The following PTN variants were observed in gnomAD, a reference collection of about 807,000 sequenced individuals.
PTN encodes pleiotrophin, also known as heparin affin regulatory protein.
Under a neutral mutation model 24.1 loss-of-function variants are expected in PTN, and 18 were observed. The ratio of observed to expected loss-of-function variants is 0.75; its 90% CI spans 0.52 to 1.11. The LOEUF is 1.11. Among genes scored for constraint, PTN ranks in the 50% least tolerant of loss-of-function variants. The probability of loss-of-function intolerance (pLI) is 0.00; values close to 1 mark genes in which losing one functional copy is unlikely to be tolerated. For synonymous variants in PTN, 78 were observed against 68.6 expected, an observed-to-expected ratio of 1.14 and a Z score of -0.67; for missense variants, 163 against 198.8, an observed-to-expected ratio of 0.82 and a Z score of 1.08.
At position 137,254,907 on chromosome 7, in the gene PTN, T is replaced by G; in HGVS notation, c.67A>C (p.Ile23Leu). 1.3e-6 allele frequency: 2 copies of G among 1,585,574 alleles called. No homozygotes were observed. Among genetic ancestry groups the G allele is most frequent in the Non-Finnish European group, 1.7e-6 (2 of 1,158,738 alleles). ...FAAAFLAFIF[I>L]LAAVDTAEAG... is the part of the protein sequence containing the mutation. Reference sequence around the variant, plus strand: ...TCAGCAGTATCCACAGCTGCCAGTATGAAAATGAATGCCAAGAAGGCAGCT... The same window carrying G: ...TCAGCAGTATCCACAGCTGCCAGTAGGAAAATGAATGCCAAGAAGGCAGCT... The change falls in exon 2 of 5, where the codon ATA becomes CTA. Residue 23 changes from isoleucine (I) to leucine (L), a missense_variant. Coordinates refer to ENST00000348225, the MANE Select transcript of PTN (RefSeq NM_002825.7).
intron 1 of PTN, among the ~76,000 whole-genome samples, chr7:137,290,853 A>C (rs999393841): frequency 2.0e-5 from 3 of 152,210 alleles, no homozygotes; most frequent in Admixed American, 2.0e-4. Context: ...CAATTAAAAA[A>C]AAATAAAAAC....
intron 1 of PTN, among the ~76,000 whole-genome samples, chr7:137,265,728 G>T (rs1809131646): frequency 6.6e-6 from 1 of 152,200 alleles, no homozygotes. Context: ...CAGGGCCTCT[G>T]GCCTGCCATG....
At chr7:137,248,511 T>C (rs553935933) in intron 4 of PTN, among the ~76,000 whole-genome samples, 4 of 152,166 alleles carry the variant, frequency 2.6e-5, no homozygotes, top group African/African-American at 7.2e-5. Context: ...CATGATGAAA[T>C]GCTGTCTCTA....
intron 1 of PTN, among the ~76,000 whole-genome samples, chr7:137,255,212 GACTTC>G (rs1246877147): frequency 6.6e-6 from 1 of 152,168 alleles, no homozygotes; most frequent in African/African-American, 2.4e-5. Context: ...CTTCACTTAA[GACTTC>G]ACAACCATTT....
chr7:137,283,910 T>C (rs1339207949), intron 1 of PTN, among the ~76,000 whole-genome samples: 1 of 148,400 alleles, frequency 6.7e-6, no homozygotes, highest in East Asian at 2.0e-4. Context: ...AATGATTTAA[T>C]GCATGCAGTG....
intron 1 of PTN, among the ~76,000 whole-genome samples, chr7:137,295,261 A>AAGTAT (rs1279536433): frequency 6.6e-6 from 1 of 152,180 alleles, no homozygotes; most frequent in Non-Finnish European, 1.5e-5. Flanking sequence ...GTGGAGCTTG[A>AAGTAT]AGTATAGTAG....
chr7:137,313,074 G>GT (rs1562919846), intron 1 of PTN, among the ~76,000 whole-genome samples: 1 of 8,576 alleles, frequency 1.2e-4, no homozygotes, highest in Non-Finnish European at 2.4e-3. Flanking sequence ...CTTCCTTCTC[G>GT]TTCCCCCCTC....
chr7:137,294,344 C>T (rs895372775), intron 1 of PTN, among the ~76,000 whole-genome samples: 5 of 152,114 alleles, frequency 3.3e-5, no homozygotes, highest in Admixed American at 1.3e-4. Flanking sequence ...TGAACACAAG[C>T]CCACACAGGA....
intron 1 of PTN, among the ~76,000 whole-genome samples, chr7:137,299,720 T>C (rs1266229516): frequency 6.6e-6 from 1 of 151,948 alleles, no homozygotes; most frequent in Non-Finnish European, 1.5e-5. Context: ...ATGCCTGCCC[T>C]TGTGAAAGAG....
At chr7:137,306,748 C>T (rs1028106265) in intron 1 of PTN, among the ~76,000 whole-genome samples, 1 of 152,062 alleles carries the variant, frequency 6.6e-6, no homozygotes, top group Non-Finnish European at 1.5e-5. Flanking sequence ...ATATGACAGC[C>T]CTTGAGCTAA....
chr7:137,343,268 C>T (rs1291758394), intron 1 of PTN, among the ~76,000 whole-genome samples, 171 bp downstream of exon 1: 4 of 152,166 alleles, frequency 2.6e-5, no homozygotes, highest in South Asian at 4.1e-4. Context: ...AAATATGCCT[C>T]CCTTGGCCTC....
intron 1 of PTN, among the ~76,000 whole-genome samples, chr7:137,259,692 A>G (rs1808999498): frequency 6.6e-6 from 1 of 151,050 alleles, no homozygotes; most frequent in Non-Finnish European, 1.5e-5. Flanking sequence ...AAAAAGGGAC[A>G]GAGAGAGAGA....
At chr7:137,237,355 T>C (rs1223455142) in intron 4 of PTN, among the ~76,000 whole-genome samples, 1 of 152,142 alleles carries the variant, frequency 6.6e-6, no homozygotes, top group Non-Finnish European at 1.5e-5. Context: ...TCCAGAACTA[T>C]GAGAAAATAA....
chr7:137,245,463 C>T lies in PTN; in HGVS notation c.451+5767G>A, dbSNP rs112482495. Among the ~76,000 whole-genome samples the T allele has an allele frequency of 2.4e-3, 366 of 152,280 alleles. 2 individuals carry two copies. Among genetic ancestry groups the T allele is most frequent in the African/African-American group, 8.4e-3 (349 of 41,558 alleles). ...GATGCGGATGTAAATAAACTTACTG[C>T]ACTGCTAGTCTTATAAAAGTGTAAC... On this transcript the variant is annotated intron_variant, in intron 4 of 4. Transcript: ENST00000348225.
chr7:137,325,017 C>T lies in PTN; in HGVS notation c.-2+18422G>A, dbSNP rs1390850466. 2.0e-5 allele frequency among the ~76,000 whole-genome samples: 3 copies of T among 152,088 alleles called. No individual in the cohort carries two copies. The East Asian group carries it at 5.8e-4, about 29-fold the overall frequency. On this transcript the variant is annotated intron_variant, in intron 1 of 4. Coordinates refer to ENST00000348225, the MANE Select transcript of PTN (RefSeq NM_002825.7). Reference sequence around the variant, plus strand: ...TTTAATTGTACTGTAATAGGCTCATCCTGCAGTAGCTTCCTGATTTGTCAA... The same window carrying T: ...TTTAATTGTACTGTAATAGGCTCATTCTGCAGTAGCTTCCTGATTTGTCAA...
At chr7:137,228,323 C>T (rs1473077855) in intron 4 of PTN, among the ~76,000 whole-genome samples, 1 of 151,634 alleles carries the variant, frequency 6.6e-6, no homozygotes, top group African/African-American at 2.4e-5. Context: ...AGGAACATAG[C>T]CTGCTTCTGT....
At chr7:137,249,514 G>C (rs1808784838) in intron 4 of PTN, among the ~76,000 whole-genome samples, 1 of 152,142 alleles carries the variant, frequency 6.6e-6, no homozygotes, top group South Asian at 2.1e-4. Flanking sequence ...CCCAGGTTGA[G>C]CATCACTGTG....
intron 4 of PTN, among the ~76,000 whole-genome samples, chr7:137,228,623 C>T (rs1248102062): frequency 6.6e-6 from 1 of 151,764 alleles, no homozygotes; most frequent in Non-Finnish European, 1.5e-5. Context: ...GTAAAAAGAA[C>T]CGGCTATAAA....
rs1200538399 is a variant in PTN, at chr7:137,263,959, T to A, written c.-1-8985A>T. The stretch of plus-strand genomic sequence containing the variant: ...TTTGAACTCCACCACGTAACTGTTT[T>A]TGTGGTACTATTACACAGTTTTTGT... On this transcript the variant is annotated intron_variant, in intron 1 of 4. Coordinates refer to ENST00000348225, the MANE Select transcript of PTN (RefSeq NM_002825.7). Among the ~76,000 whole-genome samples, 5 of 152,238 alleles carry A rather than the reference T, an allele frequency of 3.3e-5. No individual in the cohort carries two copies. The East Asian group carries it at 9.6e-4, about 29-fold the overall frequency.
Sources: allele counts gnomAD v4.1 joint callset (sites outside exome capture counted in the v4.1 genomes callset), GRCh38; gene constraint gnomAD v4.1.1; transcripts MANE v1.5; gene names NCBI Gene and HGNC (gene_info 2026-07-23, HGNC 2026-07-21).